The following PDPK1 variants were observed in gnomAD, a reference collection of about 807,000 sequenced individuals.
PDPK1 encodes the protein 3-phosphoinositide dependent protein kinase 1, also known as 3-phosphoinositide-dependent protein kinase 1.
PDPK1 carries 7 observed loss-of-function variants against 39.8 expected under a neutral mutation model. The observed-to-expected ratio is 0.18, with a 90% CI of 0.10 to 0.33. The LOEUF (loss-of-function observed/expected upper bound fraction) is 0.33. Ranked by LOEUF, PDPK1 falls within the 10% of genes least tolerant of loss-of-function variation. PDPK1 has a pLI of 1.00. For missense variants in PDPK1, 182 were observed against 384.7 expected (o/e 0.47, Z 4.41); for synonymous variants, 118 against 159.1 (o/e 0.74, Z 1.95).
At chr16:2,591,476 C>T (rs1181074607) in intron 11 of PDPK1, among the ~76,000 whole-genome samples, 1 of 152,200 alleles carries the variant, frequency 6.6e-6, no homozygotes, top group East Asian at 1.9e-4. Context: ...CTTTAAGCAG[C>T]CACCACCTTC....
chr16:2,585,883 C>A (rs1011198097), intron 10 of PDPK1, among the ~76,000 whole-genome samples: 1 of 152,224 alleles, frequency 6.6e-6, no homozygotes, highest in Admixed American at 6.5e-5. Context: ...AAGGGCATGC[C>A]GCACTCTTAT....
intron 11 of PDPK1, chr16:2,594,388 C>T (rs1260511443): frequency 3.3e-5 from 5 of 151,744 alleles, no homozygotes; most frequent in Non-Finnish European, 5.9e-5. Context: ...GCTAAAAATA[C>T]AAAAAATTAG....
chr16:2,579,219 G>A (rs1391511072), intron 7 of PDPK1: 1 of 54,276 alleles, frequency 1.8e-5, no homozygotes, highest in Non-Finnish European at 3.5e-5. Flanking sequence ...GGCATCCAGC[G>A]GGGGAGGCGA....
intron 11 of PDPK1, among the ~76,000 whole-genome samples, chr16:2,591,108 G>A (rs28783099): frequency 0.02 from 2,985 of 152,168 alleles, 97 homozygotes; most frequent in African/African-American, 0.068. Flanking sequence ...GATTACAGGC[G>A]TGTACCACCA....
intron 10 of PDPK1, 92 bp from the exon 11 acceptor site, chr16:2,586,584 A>G (rs1405268824): frequency 8.9e-7 from 1 of 1,119,534 alleles, no homozygotes; most frequent in Non-Finnish European, 1.3e-6. Flanking sequence ...CGAGCTCCCA[A>G]GGCCTGACAG....
intron 1 of PDPK1, among the ~76,000 whole-genome samples, chr16:2,545,283 A>C (rs1001642027): frequency 6.6e-6 from 1 of 151,736 alleles, no homozygotes; most frequent in Non-Finnish European, 1.5e-5. Flanking sequence ...AGCCTTCCTC[A>C]GTGGTCACCT....
rs749655914 is a variant in PDPK1, at chr16:2,593,473, A to G, written c.1344-2320A>G. ...TGGGCTGCTGTTCTCGCTCTCAGCC[A>G]GGAAGGCGGCCCCTCCCACACAGGT... is the stretch of plus-strand genomic sequence containing the variant. On this transcript the variant is annotated intron_variant, in intron 11 of 13. Transcript: ENST00000342085. The surrounding 1 kb of genome is among the most constrained non-coding windows in gnomAD (Gnocchi z 4.2). 3.5e-5 allele frequency: 8 copies of G among 225,714 alleles called. No individual in the cohort carries two copies. The highest frequency in any genetic ancestry group is 6.2e-5 in the Non-Finnish European group (7 of 112,656). The allele number at this position is 225,714 out of a possible 1,614,324, so 14.0% of individuals were successfully genotyped here. A position where few individuals can be genotyped will look rare whatever the true frequency, so the allele number is the denominator to read the frequency against.
chr16:2,587,710 G>C (rs1326712008), intron 11 of PDPK1, among the ~76,000 whole-genome samples: 2 of 152,156 alleles, frequency 1.3e-5, no homozygotes, highest in Non-Finnish European at 2.9e-5. Context: ...GGCTTTCCCT[G>C]TGTTGGCCAG....
At chr16:2,587,328 G>C (rs552528188) in intron 11 of PDPK1, among the ~76,000 whole-genome samples, 3 of 152,180 alleles carry the variant, frequency 2.0e-5, no homozygotes, top group African/African-American at 7.2e-5. Flanking sequence ...GATCTGTCGC[G>C]GGGGCGCCAG....
chr16:2,595,944 C>G (rs2067093187), intron 12 of PDPK1, 94 bp downstream of exon 12: 3 of 901,154 alleles, frequency 3.3e-6, no homozygotes. Context: ...TGGAATCCTT[C>G]CATCTCTTGA....
intron 11 of PDPK1, among the ~76,000 whole-genome samples, chr16:2,587,238 C>T (rs1032422064): frequency 6.6e-6 from 1 of 152,146 alleles, no homozygotes; most frequent in African/African-American, 2.4e-5. Flanking sequence ...CATAGCTTTC[C>T]CCACTTGTCC....
chr16:2,540,445 A>G (rs1597012436), intron 1 of PDPK1, among the ~76,000 whole-genome samples: 1 of 152,070 alleles, frequency 6.6e-6, no homozygotes, highest in Admixed American at 6.5e-5. Context: ...GGCGTTAGGT[A>G]CCTGCCTCAT....
In PDPK1 at chr16:2,593,810, C is replaced by CCTCCAGGCATTTCTGTGCTCT. The variant is rs2067042769; in HGVS notation, c.1344-1982_1344-1962dup. 6.5e-6 allele frequency: 1 copy of CCTCCAGGCATTTCTGTGCTCT among 152,676 alleles called. No homozygotes were observed. The highest frequency in any genetic ancestry group is 1.5e-5 in the Non-Finnish European group (1 of 68,388). 9.5% of individuals were successfully genotyped at this position (152,676 alleles called of 1,614,324 possible). ...GTGGCTTCCTGCCGGCTCTGTGGTCCCTCCAGGCATTTCTGTGCTCTATGC... is the reference window on the plus strand; with the variant it reads ...GTGGCTTCCTGCCGGCTCTGTGGTCCCTCCAGGCATTTCTGTGCTCTCTCCAGGCATTTCTGTGCTCTATGC... On this transcript the variant is annotated intron_variant, in intron 11 of 13. Transcript: ENST00000342085. This position sits in a 1 kb window ranked among gnomAD's most constrained non-coding sequence, Gnocchi z 4.2.
At chr16:2,547,652 T>C (rs2141946563) in intron 1 of PDPK1, among the ~76,000 whole-genome samples, 1 of 2,710 alleles carries the variant, frequency 3.7e-4, no homozygotes, top group South Asian at 3.9e-3. Context: ...GCTTTGTGCC[T>C]GGGGCAGAAA....
intron 11 of PDPK1, among the ~76,000 whole-genome samples, chr16:2,588,289 G>T (rs1167226917): frequency 1.3e-5 from 2 of 152,172 alleles, no homozygotes; most frequent in Non-Finnish European, 2.9e-5. Context: ...AGGAGAGGAG[G>T]GCTCTTGATG....
At chr16:2,553,774 A>C (rs1325864740) in intron 1 of PDPK1, among the ~76,000 whole-genome samples, 1 of 151,052 alleles carries the variant, frequency 6.6e-6, no homozygotes, top group Non-Finnish European at 1.5e-5. Flanking sequence ...GGGGTCACCA[A>C]GTGGGTGGCA....
At chr16:2,546,242 C>T (rs2066343454) in intron 1 of PDPK1, among the ~76,000 whole-genome samples, 1 of 151,364 alleles carries the variant, frequency 6.6e-6, no homozygotes, top group African/African-American at 2.4e-5. Context: ...TACCACTGCG[C>T]CCGGCTAATT....
Position 2,603,087 on chromosome 16 carries a change from C to T in PDPK1, c.*5320C>T, listed in dbSNP as rs576761849. On this transcript the variant is annotated 3_prime_UTR_variant, in exon 14 of 14. Transcript: ENST00000342085. ...CATATAATTTAATGAATCTGTTTAT[C>T]CTTTTTTTTTTTCCAAATACTTGTG... The T allele has an allele frequency of 8.8e-6, 2 of 226,340 alleles. No homozygotes were observed. The highest frequency in any genetic ancestry group is 6.3e-5 in the East Asian group (1 of 15,800). The allele number at this position is 226,340 out of a possible 1,614,324, so 14.0% of individuals were successfully genotyped here.
At position 2,586,756 on chromosome 16, in the gene PDPK1, G is replaced by C. The variant is rs75077217; in HGVS notation, c.1206G>C (p.Thr402=). The C allele has an allele frequency of 1.1e-5, 17 of 1,614,170 alleles. No homozygotes were observed. The highest frequency in any genetic ancestry group is 1.6e-4 in the Middle Eastern group (1 of 6,062). ...SSSHSLSASD[T]GLPQRSGSNI... is the part of the protein sequence containing the mutation. The stretch of plus-strand genomic sequence containing the variant: ...CACACTCCCTGTCAGCCTCCGACAC[G>C]GGCCTGCCCCAGAGGTCAGGCAGCA... The change falls in exon 11 of 14, where the codon ACG becomes ACC. Residue 402 remains threonine, a synonymous_variant. Transcript: ENST00000342085.
Sources: gnomAD v4.1 joint callset for allele counts (sites outside exome capture counted in the v4.1 genomes callset) on GRCh38, gnomAD v4.1.1 for gene constraint, Gnocchi (gnomAD v3.1) non-coding constraint, MANE v1.5 for transcripts, NCBI Gene and HGNC (gene_info 2026-07-23, HGNC 2026-07-21) for gene names.